MRTFB: variants seen among roughly 807,000 people sequenced by gnomAD.
MRTFB encodes the protein myocardin-related transcription factor B.
A neutral mutation model predicts 104.2 loss-of-function variants in MRTFB; 29 were observed. The observed-to-expected ratio is 0.28, with a 90% CI of 0.21 to 0.38. The LOEUF is 0.38. Ranked by LOEUF, MRTFB falls within the 10% of genes least tolerant of loss-of-function variation. The probability of loss-of-function intolerance (pLI) is 1.00; values close to 1 mark genes in which losing one functional copy is unlikely to be tolerated. For missense variants in MRTFB, 1,270 were observed against 1,341.6 expected (o/e 0.95, Z 0.83); for synonymous variants, 535 against 519.5 (o/e 1.03, Z -0.41).
chr16:14,032,133 C>T, the MRTFB span, among the ~76,000 whole-genome samples: 4 of 152,132 alleles, frequency 2.6e-5, no homozygotes, highest in African/African-American at 7.2e-5. Flanking sequence ...GAAAAGGCTA[C>T]AGACTAGGAG....
intron 8 of MRTFB, among the ~76,000 whole-genome samples, chr16:14,231,622 G>GA (rs1230519799): frequency 1.3e-5 from 2 of 152,154 alleles, no homozygotes; most frequent in African/African-American, 4.8e-5. Context: ...CCGCTTGTGA[G>GA]AACATGCAGT....
chr16:14,149,429 G>A (rs1396134142), intron 3 of MRTFB: 1 of 152,146 alleles, frequency 6.6e-6, no homozygotes, highest in East Asian at 1.9e-4. Context: ...CTGCAGATTT[G>A]CGATTCATAG....
intron 3 of MRTFB, among the ~76,000 whole-genome samples, chr16:14,202,485 C>T (rs74974703): frequency 0.024 from 3,681 of 152,240 alleles, 65 homozygotes; most frequent in Middle Eastern, 0.078. Context: ...GGAGACCCTT[C>T]GTGATTTGAC....
At chr16:14,227,294 A>G (rs2042049436) in intron 8 of MRTFB, among the ~76,000 whole-genome samples, 1 of 151,520 alleles carries the variant, frequency 6.6e-6, no homozygotes, top group African/African-American at 2.4e-5. Context: ...ACAAAAACAA[A>G]ACAAAAAGAA....
chr16:14,076,609 T>TA (rs1253917990), intron 1 of MRTFB, among the ~76,000 whole-genome samples: 19 of 152,244 alleles, frequency 1.2e-4, no homozygotes, highest in African/African-American at 4.3e-4. Flanking sequence ...CTGTGCTGAA[T>TA]AACCTTGTGC....
In MRTFB at chr16:14,246,824, A is replaced by T; in HGVS notation, c.1564A>T (p.Met522Leu). Residue 522 changes from methionine (M) to leucine (L), a missense_variant, in exon 12 of 17, where the codon ATG becomes TTG. Transcript: ENST00000571589. Reference sequence around the variant, plus strand: ...CAGTCTCAGTACTGATGACACAAACATGGCAGACACTTTCACCGAGATTAT... The same window carrying T: ...CAGTCTCAGTACTGATGACACAAACTTGGCAGACACTTTCACCGAGATTAT... ...QSSLSTDDTN[M>L]ADTFTEIMTM... is the part of the protein sequence containing the mutation. 1.2e-6 allele frequency: 2 copies of T among 1,612,988 alleles called. No individual in the cohort carries two copies. The highest frequency in any genetic ancestry group is 1.7e-6 in the Non-Finnish European group (2 of 1,180,024).
chr16:14,003,660 C>T, the MRTFB span, among the ~76,000 whole-genome samples: 2,932 of 38,712 alleles, frequency 0.076, 91 homozygotes, highest in African/African-American at 0.13. Context: ...CTCCCTCCCT[C>T]CCTCCCTCCC....
the MRTFB span, among the ~76,000 whole-genome samples, chr16:14,051,803 C>T: frequency 6.6e-6 from 1 of 152,112 alleles, no homozygotes; most frequent in Non-Finnish European, 1.5e-5. Flanking sequence ...TCTTCAGAAT[C>T]CCCCAAACAT....
At chr16:14,022,812 T>G in the MRTFB span, among the ~76,000 whole-genome samples, 1 of 145,672 alleles carries the variant, frequency 6.9e-6, no homozygotes, top group African/African-American at 2.6e-5. Context: ...TGCAGTGGCC[T>G]CAGCCTCCCG....
chr16:14,050,769 T>G, the MRTFB span, among the ~76,000 whole-genome samples: 107 of 152,114 alleles, frequency 7.0e-4, no homozygotes, highest in African/African-American at 2.5e-3. Context: ...AGCTACAAAA[T>G]GGAGATAACA....
At chr16:14,210,170 C>A in intron 3 of MRTFB, 73 bp from the exon 4 acceptor site, 1 of 1,128,086 alleles carries the variant, frequency 8.9e-7, no homozygotes, top group South Asian at 1.4e-5. Context: ...TTAATTGCAT[C>A]TCCTCTGGAA....
chr16:14,059,840 G>C, the MRTFB span, among the ~76,000 whole-genome samples: 1 of 152,048 alleles, frequency 6.6e-6, no homozygotes, highest in African/African-American at 2.4e-5. Flanking sequence ...GAGATAAGCA[G>C]GGGCCTTGTG....
At chr16:14,227,458 T>C (rs117420115) in intron 8 of MRTFB, among the ~76,000 whole-genome samples, 30 of 152,282 alleles carry the variant, frequency 2.0e-4, no homozygotes, top group Non-Finnish European at 3.7e-4. Flanking sequence ...CTGTACAATC[T>C]GCAGAATCGT....
chr16:14,087,500 A>C (rs542951546), intron 2 of MRTFB, among the ~76,000 whole-genome samples: 11 of 151,730 alleles, frequency 7.2e-5, no homozygotes, highest in African/African-American at 2.4e-4. Context: ...TATGGCTGAA[A>C]ACCATCAGTT....
chr16:14,088,395 CA>C (rs777805531), intron 2 of MRTFB, among the ~76,000 whole-genome samples: 72 of 152,240 alleles, frequency 4.7e-4, no homozygotes, highest in Non-Finnish European at 8.7e-4. Flanking sequence ...AAAAACAAAA[CA>C]AAACTGTGAC....
chr16:14,195,044 G>A (rs139791067), intron 3 of MRTFB, among the ~76,000 whole-genome samples: 12 of 152,146 alleles, frequency 7.9e-5, no homozygotes, highest in African/African-American at 2.9e-4. Flanking sequence ...GATTTCTGAG[G>A]AGGTGCAAGT....
intron 9 of MRTFB, among the ~76,000 whole-genome samples, chr16:14,235,672 T>G (rs2042465160): frequency 6.6e-6 from 1 of 152,186 alleles, no homozygotes. Context: ...GAAAGCTGTT[T>G]CCCATCCTTC....
At position 14,177,076 on chromosome 16, in the gene MRTFB, A is replaced by G. The variant is rs1465367976; in HGVS notation, c.155-33167A>G. The stretch of plus-strand genomic sequence containing the variant: ...AGGAAGAAAAAACTTGTACAAAAAC[A>G]AGGACAACACAGAGTGTATTAGTGA... On this transcript the variant is annotated intron_variant, in intron 3 of 16. Coordinates refer to ENST00000571589, the MANE Select transcript of MRTFB (RefSeq NM_001308142.2). This position sits in a 1 kb window ranked among gnomAD's most constrained non-coding sequence, Gnocchi z 4.7. 6.6e-6 allele frequency among the ~76,000 whole-genome samples: 1 copy of G among 152,244 alleles called. No individual in the cohort carries two copies. Among genetic ancestry groups the G allele is most frequent in the Non-Finnish European group, 1.5e-5 (1 of 68,044 alleles).
At position 14,247,147 on chromosome 16, in the gene MRTFB, G is replaced by A; in HGVS notation, c.1887G>A (p.Gln629=). The A allele has an allele frequency of 6.2e-7, 1 of 1,614,168 alleles. No homozygotes were observed. The highest frequency in any genetic ancestry group is 1.6e-4 in the Middle Eastern group (1 of 6,062). ...SAPGHSVKSD[Q]KHGSLGSSIK... ...CAGGTCATTCTGTCAAGTCAGATCA[G>A]AAGCACGGCAGCCTTGGCTCCTCCA... Residue 629 remains glutamine (Q), a synonymous_variant, in exon 12 of 17, where the codon CAG becomes CAA. Transcript: ENST00000571589.
Sources: gnomAD v4.1 joint callset for allele counts (sites outside exome capture counted in the v4.1 genomes callset) on GRCh38, gnomAD v4.1.1 for gene constraint, Gnocchi (gnomAD v3.1) non-coding constraint, MANE v1.5 for transcripts, NCBI Gene and HGNC (gene_info 2026-07-23, HGNC 2026-07-21) for gene names.